SSBP3: variants seen among roughly 807,000 people sequenced by gnomAD.
The protein encoded by SSBP3 is single stranded DNA binding protein 3.
In SSBP3, 5 loss-of-function variants were observed where a neutral mutation model predicts 69.6. The observed-to-expected ratio is 0.07, with a 90% CI of 0.04 to 0.15. The LOEUF is 0.15. Among genes scored for constraint, SSBP3 ranks in the 10% least tolerant of loss-of-function variants. SSBP3 has a pLI of 1.00. For synonymous variants in SSBP3, 196 were observed against 193.4 expected, an observed-to-expected ratio of 1.01 and a Z score of -0.11; for missense variants, 312 against 534.0, an observed-to-expected ratio of 0.58 and a Z score of 4.10.
At chr1:54,339,343 T>TC (rs1646566054) in intron 4 of SSBP3, among the ~76,000 whole-genome samples, 1 of 152,188 alleles carries the variant, frequency 6.6e-6, no homozygotes, top group African/African-American at 2.4e-5. Flanking sequence ...ACACACATTC[T>TC]CAGTGTGGAT....
intron 4 of SSBP3, among the ~76,000 whole-genome samples, chr1:54,348,819 C>G (rs1417239449): frequency 6.6e-6 from 1 of 152,224 alleles, no homozygotes; most frequent in Non-Finnish European, 1.5e-5. Context: ...AGTGAGTTCA[C>G]AGGGCTGCGG....
At chr1:54,375,661 G>A (rs1191547874) in intron 4 of SSBP3, among the ~76,000 whole-genome samples, 3 of 152,182 alleles carry the variant, frequency 2.0e-5, no homozygotes, top group Non-Finnish European at 2.9e-5. Flanking sequence ...GCCTCCAGTC[G>A]CCTGGTGGAA....
chr1:54,312,032 C>T (rs1453428092), intron 4 of SSBP3, among the ~76,000 whole-genome samples: 1 of 152,194 alleles, frequency 6.6e-6, no homozygotes, highest in Non-Finnish European at 1.5e-5. Flanking sequence ...GCACATAGCA[C>T]CAGCTCTGAG....
chr1:54,405,945 G>C lies in SSBP3; in HGVS notation c.56+8C>G. 1.5e-6 allele frequency: 2 copies of C among 1,367,536 alleles called. No individual in the cohort carries two copies. The highest frequency in any genetic ancestry group is 1.9e-6 in the Non-Finnish European group (2 of 1,041,560). The allele number at this position is 1,367,536 out of a possible 1,614,324, so 84.7% of individuals were successfully genotyped here. ...CGGCGCGGCCGCCACTTGCAAAATA[G>C]GGCTTACTTTTCCCGAGCCTGCCCA... is the stretch of plus-strand genomic sequence containing the variant. On this transcript the variant is annotated splice_region_variant and intron_variant, in intron 1 of 17. Transcript: ENST00000610401.
At position 54,275,815 on chromosome 1, in the gene SSBP3, G is replaced by A. The variant is rs1000846493; in HGVS notation, c.366+5623C>T. Among the ~76,000 whole-genome samples, 10 of 152,296 alleles carry A rather than the reference G, an allele frequency of 6.6e-5. No homozygotes were observed. The East Asian group carries it at 1.2e-3, about 18-fold the overall frequency. ...TGTCTGAGTACATGGCAGGTTCTCC[G>A]TAACAGAACTTCAGATACTTCAAGA... On this transcript the variant is annotated intron_variant, in intron 5 of 17. Coordinates refer to ENST00000610401, the Ensembl canonical transcript of SSBP3.
chr1:54,256,490 T>C (rs1453937190), intron 7 of SSBP3, among the ~76,000 whole-genome samples: 9 of 152,118 alleles, frequency 5.9e-5, no homozygotes, highest in African/African-American at 9.7e-5. Flanking sequence ...CCAACCCTAA[T>C]GGGCCAGCGT....
At chr1:54,356,452 G>T (rs939924616) in intron 4 of SSBP3, 6 of 152,258 alleles carry the variant, frequency 3.9e-5, no homozygotes, top group African/African-American at 1.4e-4. Context: ...AAAGGAGATG[G>T]GAATAAACAA....
At chr1:54,357,252 G>T (rs552840347) in intron 4 of SSBP3, among the ~76,000 whole-genome samples, 1 of 152,252 alleles carries the variant, frequency 6.6e-6, no homozygotes, top group Admixed American at 6.5e-5. Context: ...CAGCAATCGT[G>T]ACTGCCTAAC....
intron 4 of SSBP3, among the ~76,000 whole-genome samples, chr1:54,319,358 T>C (rs556420829): frequency 3.4e-4 from 51 of 152,190 alleles, no homozygotes; most frequent in Non-Finnish European, 5.7e-4. Context: ...CCTCTGACAA[T>C]GTAGACGTGA....
intron 7 of SSBP3, 82 bp downstream of exon 7, chr1:54,257,045 T>C: frequency 7.0e-7 from 1 of 1,423,020 alleles, no homozygotes; most frequent in Non-Finnish European, 9.6e-7. Context: ...ATCCTTTCCC[T>C]CAACTTTCAT....
chr1:54,333,024 C>T (rs1376787474), intron 4 of SSBP3, among the ~76,000 whole-genome samples: 1 of 152,182 alleles, frequency 6.6e-6, no homozygotes, highest in Non-Finnish European at 1.5e-5. Flanking sequence ...CCAGGGCTTC[C>T]TAATAGGGCC....
At chr1:54,295,720 T>TC (rs761613207) in intron 4 of SSBP3, among the ~76,000 whole-genome samples, 40 of 152,002 alleles carry the variant, frequency 2.6e-4, no homozygotes, top group Non-Finnish European at 5.3e-4. Flanking sequence ...CATTCCAACC[T>TC]CCCCCTTTTC....
chr1:54,382,973 G>A (rs1158873267), intron 4 of SSBP3, among the ~76,000 whole-genome samples: 9 of 64,316 alleles, frequency 1.4e-4, no homozygotes, highest in Middle Eastern at 0.016. Context: ...CAACAAGAGC[G>A]AAACTCCATG....
chr1:54,406,591 G>A (rs1649793356), upstream of SSBP3, among the ~76,000 whole-genome samples: 1 of 151,832 alleles, frequency 6.6e-6, no homozygotes, highest in Non-Finnish European at 1.5e-5. Flanking sequence ...GCTCCTGCAG[G>A]CGAACTGGGG....
At chr1:54,398,042 C>T (rs1649020101) in intron 4 of SSBP3, among the ~76,000 whole-genome samples, 1 of 152,152 alleles carries the variant, frequency 6.6e-6, no homozygotes, top group African/African-American at 2.4e-5. Flanking sequence ...TACCTCCCCT[C>T]TGTTTTGCAG....
intron 14 of SSBP3, among the ~76,000 whole-genome samples, chr1:54,235,036 T>C (rs968483001): frequency 5.3e-5 from 8 of 152,192 alleles, no homozygotes; most frequent in Admixed American, 5.2e-4. Context: ...TGACTCCTAG[T>C]GTCACCTAAC....
intron 14 of SSBP3, among the ~76,000 whole-genome samples, chr1:54,230,640 A>C (rs1038957146): frequency 1.3e-5 from 2 of 152,196 alleles, no homozygotes; most frequent in African/African-American, 4.8e-5. Flanking sequence ...CCATAACCTC[A>C]GAAAGAAATC....
At chr1:54,286,899 C>CCT (rs1353288900) in intron 4 of SSBP3, 3 of 152,238 alleles carry the variant, frequency 2.0e-5, no homozygotes, top group Non-Finnish European at 4.4e-5. Context: ...AATCCCAATA[C>CCT]CACCAGAGTA....
At chr1:54,306,506 G>A (rs967503935) in intron 4 of SSBP3, among the ~76,000 whole-genome samples, 1 of 152,164 alleles carries the variant, frequency 6.6e-6, no homozygotes, top group African/African-American at 2.4e-5. Flanking sequence ...CTCTTACCTC[G>A]GTCATCCCTT....
Sources: gnomAD v4.1 joint callset for allele counts (sites outside exome capture counted in the v4.1 genomes callset) on GRCh38, gnomAD v4.1.1 for gene constraint, MANE v1.5 for transcripts, NCBI Gene and HGNC (gene_info 2026-07-23, HGNC 2026-07-21) for gene names.